TMTC1: variants seen among roughly 807,000 people sequenced by gnomAD.
The protein encoded by TMTC1 is transmembrane O-mannosyltransferase targeting cadherins 1.
TMTC1 carries 73 observed loss-of-function variants against 104.8 expected under a neutral mutation model. That is an observed-to-expected ratio of 0.70 (90% CI 0.58 to 0.85). The LOEUF (loss-of-function observed/expected upper bound fraction) is 0.85. Ranked by LOEUF, TMTC1 falls within the 40% of genes least tolerant of loss-of-function variation. The pLI is 0.00. For synonymous variants in TMTC1, 434 were observed against 428.7 expected (o/e 1.01, Z -0.15); for missense variants, 1,035 against 1,096.1 (o/e 0.94, Z 0.79).
At chr12:29,691,720 G>GA (rs34338128) in intron 5 of TMTC1, among the ~76,000 whole-genome samples, 30,544 of 109,396 alleles carry the variant, frequency 0.28, 5,909 homozygotes, top group Admixed American at 0.39. Context: ...CCAAAAGTAG[G>GA]AAAAAAAAAA....
rs1223171466 is a variant in TMTC1 at position 29,606,980 on chromosome 12, C to CA, written c.1129-2682_1129-2681insT. ...AGCACAGCCAACCTTCCTGCCCCCC[C>CA]CCCTCACTCACGGACACCCGTAGTG... On this transcript the variant is annotated intron_variant, in intron 6 of 17. Transcript: ENST00000539277. Among the ~76,000 whole-genome samples the CA allele has an allele frequency of 2.6e-5, 4 of 152,022 alleles. No homozygotes were observed. The South Asian group carries it at 8.3e-4, about 32-fold the overall frequency.
chr12:29,611,453 G>A (rs1946844897), intron 6 of TMTC1, among the ~76,000 whole-genome samples: 1 of 152,090 alleles, frequency 6.6e-6, no homozygotes, highest in South Asian at 2.1e-4. Flanking sequence ...CCTTTTAGAA[G>A]GCACTTTATT....
Position 29,506,770 on chromosome 12 carries a change from A to G in TMTC1, c.*76T>C. On this transcript the variant is annotated 3_prime_UTR_variant, in exon 18 of 18. Transcript: ENST00000539277. The stretch of plus-strand genomic sequence containing the variant: ...AATCTCATTAGTTGTGCCCCTGCTG[A>G]TGTGAAAGCAAGGCTTCCATCACTC... The G allele has an allele frequency of 6.4e-7, 1 of 1,558,918 alleles. No individual in the cohort carries two copies. The highest frequency in any genetic ancestry group is 8.8e-7 in the Non-Finnish European group (1 of 1,133,212).
chr12:29,764,579 C>T (rs1291068158), intron 2 of TMTC1, among the ~76,000 whole-genome samples: 1 of 152,176 alleles, frequency 6.6e-6, no homozygotes, highest in African/African-American at 2.4e-5. Flanking sequence ...CTCTGTCCTC[C>T]TCCTACTTAG....
At position 29,652,840 on chromosome 12, in the gene TMTC1, T is replaced by A. The variant is rs567066876; in HGVS notation, c.939-19504A>T. ...ATTTTGGGAAGCCTAGAAGGGTGGATCACCTGAGGTCAGGAGTTCAACACC... is the reference window on the plus strand; with the variant it reads ...ATTTTGGGAAGCCTAGAAGGGTGGAACACCTGAGGTCAGGAGTTCAACACC... On this transcript the variant is annotated intron_variant, in intron 5 of 17. Coordinates refer to ENST00000539277, the MANE Select transcript of TMTC1 (RefSeq NM_001193451.2). Among the ~76,000 whole-genome samples, 30 of 152,260 alleles carry A rather than the reference T, an allele frequency of 2.0e-4. 1 individual carries two copies. The highest frequency in any genetic ancestry group is 6.7e-4 in the African/African-American group (28 of 41,548).
At chr12:29,767,719 T>C (rs1310655964) in intron 2 of TMTC1, among the ~76,000 whole-genome samples, 179 bp downstream of exon 2, 2 of 152,174 alleles carry the variant, frequency 1.3e-5, no homozygotes, top group Non-Finnish European at 2.9e-5. Context: ...TAGAGTGAAC[T>C]CATATGTTTT....
intron 5 of TMTC1, among the ~76,000 whole-genome samples, chr12:29,717,723 T>C (rs994489322): frequency 1.3e-5 from 2 of 152,208 alleles, no homozygotes; most frequent in African/African-American, 4.8e-5. Context: ...ACTTGCAACT[T>C]GATAGAGTCA....
intron 7 of TMTC1, among the ~76,000 whole-genome samples, chr12:29,596,317 C>T (rs913008817): frequency 1.3e-5 from 2 of 152,074 alleles, no homozygotes. Context: ...GACGTCTTTA[C>T]TTTTCGTTAC....
rs1941572427 is a variant in TMTC1, at chr12:29,700,956, T to G, written c.938+50710A>C. Among the ~76,000 whole-genome samples, 4 of 152,286 alleles carry G rather than the reference T, an allele frequency of 2.6e-5. No homozygotes were observed. In the South Asian group the frequency reaches 8.3e-4, roughly 32 times the overall value. The stretch of plus-strand genomic sequence containing the variant: ...ATGCATTAAGTAAGGCTCAGGCACT[T>G]TGCAAGTTTGGGGGTTTGTTTTTCT... On this transcript the variant is annotated intron_variant, in intron 5 of 17. Transcript: ENST00000539277.
chr12:29,651,671 C>T (rs1939524271), intron 5 of TMTC1, among the ~76,000 whole-genome samples: 1 of 152,198 alleles, frequency 6.6e-6, no homozygotes, highest in African/African-American at 2.4e-5. Context: ...TAAACCTTTT[C>T]ATGTTCAGTC....
chr12:29,577,007 T>C (rs2136313405), intron 8 of TMTC1, among the ~76,000 whole-genome samples: 1 of 152,296 alleles, frequency 6.6e-6, no homozygotes, highest in Middle Eastern at 3.4e-3. Flanking sequence ...GAAGGATAAA[T>C]AATATCATAA....
intron 8 of TMTC1, among the ~76,000 whole-genome samples, chr12:29,573,118 G>A (rs1260617338): frequency 3.9e-5 from 6 of 152,066 alleles, no homozygotes; most frequent in Admixed American, 6.6e-5. Context: ...CACAGTACTC[G>A]GGGGTGCTGT....
chr12:29,633,304 T>C lies in TMTC1; in HGVS notation c.971A>G (p.Asn324Ser), dbSNP rs1346586464. ...FLTYSYLLAF[N>S]VWLLLAPVTL... ...CACGGGTGCAAGCAGAAGCCACACA[T>C]TGAAGGCCAAGAGGTAGGAATAGGT... Residue 324 changes from asparagine to serine, a missense_variant, in exon 6 of 18, where the codon AAT becomes AGT. By Grantham distance (46) the Asn-to-Ser change is conservative. Transcript: ENST00000539277. 2 of 1,613,424 alleles carry C rather than the reference T, an allele frequency of 1.2e-6. No individual in the cohort carries two copies. Among genetic ancestry groups the C allele is most frequent in the African/African-American group, 1.3e-5 (1 of 74,950 alleles).
At chr12:29,575,031 G>A (rs368352214) in intron 8 of TMTC1, among the ~76,000 whole-genome samples, 3 of 152,088 alleles carry the variant, frequency 2.0e-5, no homozygotes, top group East Asian at 1.9e-4. Flanking sequence ...AAGATGATAC[G>A]AGGAGGGGTG....
intron 5 of TMTC1, chr12:29,640,516 G>A (rs987997745): frequency 2.0e-5 from 3 of 152,350 alleles, no homozygotes; most frequent in Admixed American, 1.3e-4. Flanking sequence ...CCCCACAACT[G>A]GAGAAGCTGA....
intron 5 of TMTC1, among the ~76,000 whole-genome samples, chr12:29,733,280 G>A (rs1271737008): frequency 6.6e-6 from 1 of 152,142 alleles, no homozygotes; most frequent in African/African-American, 2.4e-5. Flanking sequence ...GTGGGTGGCG[G>A]AAGTAGGCAG....
intron 6 of TMTC1, among the ~76,000 whole-genome samples, chr12:29,607,121 G>T (rs184762321): frequency 6.6e-6 from 1 of 152,192 alleles, no homozygotes; most frequent in Non-Finnish European, 1.5e-5. Context: ...ACAGGGCTGC[G>T]TGTTCATCTG....
At chr12:29,780,925 G>T (rs1460191035) in intron 1 of TMTC1, among the ~76,000 whole-genome samples, 1 of 152,156 alleles carries the variant, frequency 6.6e-6, no homozygotes, top group African/African-American at 2.4e-5. Context: ...AAAATGGTTT[G>T]CACATATTTA....
rs1221637810 is a variant in TMTC1, at chr12:29,702,689, C to T, written c.938+48977G>A. ...GCGGGTGAATCCGAGGCAGCGCAGG[C>T]CATTGGGAGGCAGCCTTGAGTATGC... On this transcript the variant is annotated intron_variant, in intron 5 of 17. Transcript: ENST00000539277. Among the ~76,000 whole-genome samples the T allele has an allele frequency of 2.6e-5, 4 of 152,318 alleles. No homozygotes were observed. In the East Asian group the frequency reaches 5.8e-4, roughly 22 times the overall value.
Sources: gnomAD v4.1 joint callset for allele counts (sites outside exome capture counted in the v4.1 genomes callset) on GRCh38, gnomAD v4.1.1 for gene constraint, MANE v1.5 for transcripts, NCBI Gene and HGNC (gene_info 2026-07-23, HGNC 2026-07-21) for gene names.